ZFYVE28: variants seen among roughly 807,000 people sequenced by gnomAD.
The protein encoded by ZFYVE28 is zinc finger FYVE-type containing 28.
In ZFYVE28, 40 loss-of-function variants were observed where a neutral mutation model predicts 82.1. The ratio of observed to expected loss-of-function variants is 0.49; its 90% CI spans 0.38 to 0.63. ZFYVE28 has a LOEUF of 0.63. Among genes scored for constraint, ZFYVE28 ranks in the 30% least tolerant of loss-of-function variants. The probability of loss-of-function intolerance (pLI) is 0.00; values close to 1 mark genes in which losing one functional copy is unlikely to be tolerated. For synonymous variants in ZFYVE28, 612 were observed against 546.1 expected (o/e 1.12, Z -1.68); for missense variants, 1,321 against 1,242.1 (o/e 1.06, Z -0.96).
In ZFYVE28 at chr4:2,339,970, G is replaced by A. The variant is rs1383753694; in HGVS notation, c.319-315C>T. Among the ~76,000 whole-genome samples, 2 of 151,756 alleles carry A rather than the reference G, an allele frequency of 1.3e-5. No individual in the cohort carries two copies. Among genetic ancestry groups the A allele is most frequent in the African/African-American group, 4.8e-5 (2 of 41,312 alleles). On this transcript the variant is annotated intron_variant, in intron 3 of 12. Coordinates refer to ENST00000290974, the MANE Select transcript of ZFYVE28 (RefSeq NM_020972.3). This position sits in a 1 kb window ranked among gnomAD's most constrained non-coding sequence, Gnocchi z 5.0. ...GGGAGGGGAGGGGAAGGTGGACTGA[G>A]GCCCTTGGGTCTGGGGGCTCCCTGC... is the stretch of plus-strand genomic sequence containing the variant.
intron 1 of ZFYVE28, among the ~76,000 whole-genome samples, chr4:2,402,482 G>A (rs3128774): frequency 3.3e-5 from 5 of 152,308 alleles, no homozygotes; most frequent in Middle Eastern, 6.8e-3. Context: ...AGGCAACAGC[G>A]GCAAAAACTA....
chr4:2,332,171 G>T lies in ZFYVE28; in HGVS notation c.701+3534C>A, dbSNP rs957493133. On this transcript the variant is annotated intron_variant, in intron 6 of 12. Transcript: ENST00000290974. This position sits in a 1 kb window ranked among gnomAD's most constrained non-coding sequence, Gnocchi z 4.7. ...CAGAGGAGCTCCACCCTCAGCTCCTGCCCCGCTCAGCACCCCTGCCTCCCC... is the reference window on the plus strand; with the variant it reads ...CAGAGGAGCTCCACCCTCAGCTCCTTCCCCGCTCAGCACCCCTGCCTCCCC... Among the ~76,000 whole-genome samples, 2 of 152,172 alleles carry T rather than the reference G, an allele frequency of 1.3e-5. No individual in the cohort carries two copies. The highest frequency in any genetic ancestry group is 2.9e-5 in the Non-Finnish European group (2 of 68,016).
At chr4:2,395,790 G>T (rs1456915612) in intron 1 of ZFYVE28, among the ~76,000 whole-genome samples, 1 of 151,726 alleles carries the variant, frequency 6.6e-6, no homozygotes, top group Non-Finnish European at 1.5e-5. Flanking sequence ...CCAGATAACG[G>T]TCCAAGATAG....
chr4:2,379,625 C>A (rs1017495127), intron 1 of ZFYVE28, among the ~76,000 whole-genome samples: 4 of 152,186 alleles, frequency 2.6e-5, no homozygotes, highest in African/African-American at 9.7e-5. Flanking sequence ...CCTCTGCCAA[C>A]TCGAATTCAC....
intron 2 of ZFYVE28, among the ~76,000 whole-genome samples, chr4:2,343,915 A>G (rs1459263718): frequency 6.6e-6 from 1 of 152,216 alleles, no homozygotes; most frequent in African/African-American, 2.4e-5. Flanking sequence ...CCTCACACAC[A>G]GTATGCTGCA....
intron 6 of ZFYVE28, among the ~76,000 whole-genome samples, chr4:2,326,107 G>A (rs1301651830): frequency 6.6e-6 from 1 of 151,912 alleles, no homozygotes; most frequent in African/African-American, 2.4e-5. Context: ...TGCACTTTGG[G>A]GCCAAATCCA....
chr4:2,361,768 A>G (rs1045787233), intron 1 of ZFYVE28, among the ~76,000 whole-genome samples: 1 of 152,192 alleles, frequency 6.6e-6, no homozygotes, highest in African/African-American at 2.4e-5. Context: ...GTAAGGGCCC[A>G]GGACTGGATC....
In ZFYVE28 at chr4:2,375,036, A is replaced by G. The variant is rs377241246; in HGVS notation, c.40-20963T>C. 2.6e-5 allele frequency among the ~76,000 whole-genome samples: 4 copies of G among 152,326 alleles called. No individual in the cohort carries two copies. In the East Asian group the frequency reaches 7.7e-4, roughly 29 times the overall value. On this transcript the variant is annotated intron_variant, in intron 1 of 12. Coordinates refer to ENST00000290974, the MANE Select transcript of ZFYVE28 (RefSeq NM_020972.3). ...TCCTTGTCTTTCTCTACTGCTTATG[A>G]AAGTGTAAACTCAGATGATATGAAC...
At chr4:2,271,592 T>TC in intron 11 of ZFYVE28, 83 bp downstream of exon 11, 1 of 1,495,632 alleles carries the variant, frequency 6.7e-7, no homozygotes, top group Non-Finnish European at 9.3e-7. Context: ...CTGCAGCCCC[T>TC]CCCCCAGGAG....
intron 2 of ZFYVE28, among the ~76,000 whole-genome samples, chr4:2,346,256 G>A (rs1723563881): frequency 6.6e-6 from 1 of 150,934 alleles, no homozygotes. Flanking sequence ...GCAGGAGAAT[G>A]CTGTGAACCC....
intron 1 of ZFYVE28, among the ~76,000 whole-genome samples, chr4:2,407,292 A>T (rs1175441065): frequency 6.6e-6 from 1 of 152,178 alleles, no homozygotes; most frequent in Non-Finnish European, 1.5e-5. Context: ...AGCTAAGCCC[A>T]GAACTCTACT....
chr4:2,366,758 C>T (rs1726936101), intron 1 of ZFYVE28, among the ~76,000 whole-genome samples: 1 of 152,230 alleles, frequency 6.6e-6, no homozygotes, highest in African/African-American at 2.4e-5. Context: ...GAGATGCTCC[C>T]CAGAAGCCGG....
chr4:2,300,108 T>C lies in ZFYVE28; in HGVS notation c.2051+4181A>G, dbSNP rs1715285568. Among the ~76,000 whole-genome samples, 1 of 152,170 alleles carries C rather than the reference T, an allele frequency of 6.6e-6. No individual in the cohort carries two copies. The highest frequency in any genetic ancestry group is 1.5e-5 in the Non-Finnish European group (1 of 68,028). On this transcript the variant is annotated intron_variant, in intron 8 of 12. Coordinates refer to ENST00000290974, the MANE Select transcript of ZFYVE28 (RefSeq NM_020972.3). This position sits in a 1 kb window ranked among gnomAD's most constrained non-coding sequence, Gnocchi z 4.6. ...CACCAGACCCAGACTTTCCTTCTTA[T>C]GTTTTCCAAAGTTTCTACAATGAAC... is the stretch of plus-strand genomic sequence containing the variant.
intron 1 of ZFYVE28, among the ~76,000 whole-genome samples, chr4:2,360,496 G>A (rs766274416): frequency 4.0e-5 from 6 of 151,674 alleles, no homozygotes; most frequent in Admixed American, 2.0e-4. Context: ...CTAGCGTCCC[G>A]GCCATTCAGG....
rs369997619 is a variant in ZFYVE28, at chr4:2,275,085, A to C, written c.2052-869T>G. Among the ~76,000 whole-genome samples the C allele has an allele frequency of 8.7e-5, 13 of 149,474 alleles. No individual in the cohort carries two copies. The East Asian group carries it at 2.6e-3, about 30-fold the overall frequency. On this transcript the variant is annotated intron_variant, in intron 8 of 12. Coordinates refer to ENST00000290974, the MANE Select transcript of ZFYVE28 (RefSeq NM_020972.3). ...GCCCGGGACCTCCAGGGGCCTCTGCACAAGACCCCACAGGCCTCGCTGGCC... is the reference window on the plus strand; with the variant it reads ...GCCCGGGACCTCCAGGGGCCTCTGCCCAAGACCCCACAGGCCTCGCTGGCC...
chr4:2,402,800 T>A (rs959686096), intron 1 of ZFYVE28, among the ~76,000 whole-genome samples: 2 of 152,216 alleles, frequency 1.3e-5, no homozygotes, highest in African/African-American at 2.4e-5. Context: ...AAGCTCACTC[T>A]GCTCTCAGTC....
rs1560182552 is a variant in ZFYVE28, at chr4:2,308,687, G to A, written c.804-3151C>T. On this transcript the variant is annotated intron_variant, in intron 7 of 12. Transcript: ENST00000290974. ...AAAGAAAGAAAGAAAGAGAAAGAAAGAAAAGAAAAGAAAAGAAAAAAGAAA... is the reference window on the plus strand; with the variant it reads ...AAAGAAAGAAAGAAAGAGAAAGAAAAAAAAGAAAAGAAAAGAAAAAAGAAA... Among the ~76,000 whole-genome samples the A allele has an allele frequency of 9.2e-4, 114 of 124,242 alleles. 1 individual carries two copies. Among genetic ancestry groups the A allele is most frequent in the African/African-American group, 3.5e-3 (106 of 30,098 alleles). 81.5% of individuals were successfully genotyped at this position (124,242 alleles called of 152,430 possible). A position where few individuals can be genotyped will look rare whatever the true frequency, so the allele number is the denominator to read the frequency against.
At position 2,320,194 on chromosome 4, in the gene ZFYVE28, A is replaced by T; in HGVS notation, c.779T>A (p.Phe260Tyr). Residue 260 changes from phenylalanine (F) to tyrosine (Y), a missense_variant, in exon 7 of 13, where the codon TTC (phenylalanine) becomes TAC (tyrosine). Physicochemically the swap from Phe to Tyr is conservative, Grantham distance 22. Around this residue, in one of 2 missense-constraint regions of ZFYVE28, gnomAD observed 343 missense variants for 408.4 expected, o/e 0.84. Coordinates refer to ENST00000290974, the MANE Select transcript of ZFYVE28 (RefSeq NM_020972.3). The surrounding 1 kb of genome is among the most constrained non-coding windows in gnomAD (Gnocchi z 5.1). ...VEDMSELFRP[F>Y]HTLLRKIRDL... ...CCTTATTTTCCGCAGCAACGTGTGG[A>T]AGGGCCGGAACAGCTCGGACATGTC... 3.2e-6 allele frequency: 5 copies of T among 1,569,618 alleles called. No homozygotes were observed. The highest frequency in any genetic ancestry group is 4.3e-6 in the Non-Finnish European group (5 of 1,155,274).
Position 2,332,688 on chromosome 4 carries a change from C to T in ZFYVE28, c.701+3017G>A, listed in dbSNP as rs547429384. On this transcript the variant is annotated intron_variant, in intron 6 of 12. Transcript: ENST00000290974. The surrounding 1 kb of genome is among the most constrained non-coding windows in gnomAD (Gnocchi z 4.7). Reference sequence around the variant, plus strand: ...CTCTGCCTGTCCGGCTCAAAGCGGTCGCTGTGGATGACGAGGAACAAGACG... The same window carrying T: ...CTCTGCCTGTCCGGCTCAAAGCGGTTGCTGTGGATGACGAGGAACAAGACG... Among the ~76,000 whole-genome samples, 2 of 152,306 alleles carry T rather than the reference C, an allele frequency of 1.3e-5. No homozygotes were observed. Among genetic ancestry groups the T allele is most frequent in the South Asian group, 2.1e-4 (1 of 4,832 alleles).
Sources: gnomAD v4.1 joint callset for allele counts (sites outside exome capture counted in the v4.1 genomes callset) on GRCh38, gnomAD v4.1.1 for gene constraint, gnomAD v4.1.1 regional missense constraint, Gnocchi (gnomAD v3.1) non-coding constraint, MANE v1.5 for transcripts, NCBI Gene and HGNC (gene_info 2026-07-23, HGNC 2026-07-21) for gene names.